Variants in FOXN3 observed in about 807,000 individuals in gnomAD.
FOXN3 encodes the protein forkhead box N3, also known as forkhead box protein N3.
A neutral mutation model predicts 38.4 loss-of-function variants in FOXN3; 7 were observed. That is an observed-to-expected ratio of 0.18 (90% CI 0.10 to 0.34). FOXN3 has a LOEUF of 0.34. Ranked by LOEUF, FOXN3 falls within the 10% of genes least tolerant of loss-of-function variation. The pLI, the probability that FOXN3 is intolerant of heterozygous loss-of-function variation, is 1.00. For synonymous variants in FOXN3, 230 were observed against 242.2 expected, an observed-to-expected ratio of 0.95 and a Z score of 0.47; for missense variants, 456 against 613.4, an observed-to-expected ratio of 0.74 and a Z score of 2.71.
intron 1 of FOXN3, among the ~76,000 whole-genome samples, chr14:89,447,129 G>A (rs150108227): frequency 9.7e-4 from 147 of 151,656 alleles, no homozygotes; most frequent in African/African-American, 3.1e-3. Flanking sequence ...CCGGGAGGCA[G>A]AGGTTGCAGT....
At chr14:89,318,173 T>TTC (rs1270786222) in intron 3 of FOXN3, among the ~76,000 whole-genome samples, 1 of 150,286 alleles carries the variant, frequency 6.7e-6, no homozygotes, top group Non-Finnish European at 1.5e-5. Flanking sequence ...TTTTTTTTTT[T>TTC]TTGAGGCGGA....
intron 4 of FOXN3, among the ~76,000 whole-genome samples, chr14:89,231,781 C>A (rs1335517994): frequency 1.3e-5 from 2 of 152,136 alleles, no homozygotes; most frequent in Non-Finnish European, 2.9e-5. Context: ...GGGCACAAGG[C>A]AGACATGCCC....
At chr14:89,194,914 A>T (rs1222555079) in intron 4 of FOXN3, among the ~76,000 whole-genome samples, 1 of 152,210 alleles carries the variant, frequency 6.6e-6, no homozygotes, top group African/African-American at 2.4e-5. Context: ...TATTTTTTTA[A>T]AAAATAGCTT....
chr14:89,260,689 G>A (rs1350651308), intron 4 of FOXN3, among the ~76,000 whole-genome samples: 3 of 152,166 alleles, frequency 2.0e-5, no homozygotes, highest in African/African-American at 7.2e-5. Context: ...CTCAAAGAGG[G>A]GCCCAACTGA....
upstream of FOXN3, among the ~76,000 whole-genome samples, chr14:89,418,629 G>C (rs773465210): frequency 1.3e-5 from 2 of 151,930 alleles, no homozygotes; most frequent in African/African-American, 4.8e-5. Flanking sequence ...CACTTGATGC[G>C]ACCTACCCAA....
intron 1 of FOXN3, among the ~76,000 whole-genome samples, chr14:89,446,984 G>A (rs772488725): frequency 4.6e-5 from 7 of 152,114 alleles, no homozygotes; most frequent in Non-Finnish European, 1.0e-4. Flanking sequence ...ATCACCTGAG[G>A]TCGGGAGTTC....
At chr14:89,470,142 T>A (rs1339302464) in intron 1 of FOXN3, among the ~76,000 whole-genome samples, 2 of 152,212 alleles carry the variant, frequency 1.3e-5, no homozygotes, top group African/African-American at 4.8e-5. Flanking sequence ...GTTCAGCAAA[T>A]CCTCATTTGT....
At chr14:89,572,072 T>G (rs1895507875) in intron 1 of FOXN3, among the ~76,000 whole-genome samples, 1 of 152,228 alleles carries the variant, frequency 6.6e-6, no homozygotes, top group African/African-American at 2.4e-5. Flanking sequence ...AGTTTAGAAC[T>G]CTTTCCATTA....
intron 2 of FOXN3, among the ~76,000 whole-genome samples, chr14:89,364,030 G>A (rs1890050282): frequency 7.0e-6 from 1 of 142,290 alleles, no homozygotes; most frequent in Admixed American, 6.9e-5. Flanking sequence ...TTTAGCAAGT[G>A]ACTGATTCCT....
At chr14:89,349,973 T>C (rs187151808) in intron 3 of FOXN3, among the ~76,000 whole-genome samples, 7 of 152,302 alleles carry the variant, frequency 4.6e-5, no homozygotes, top group Non-Finnish European at 1.0e-4. Flanking sequence ...TCAAGTACTA[T>C]GTATTCATAA....
At chr14:89,393,934 GAC>G (rs961087259) in intron 2 of FOXN3, among the ~76,000 whole-genome samples, 4 of 152,150 alleles carry the variant, frequency 2.6e-5, no homozygotes, top group African/African-American at 7.2e-5. Flanking sequence ...AATTTATAAA[GAC>G]ACAGATTTGT....
intron 3 of FOXN3, among the ~76,000 whole-genome samples, chr14:89,297,062 T>C (rs945518564): frequency 6.6e-6 from 1 of 152,212 alleles, no homozygotes; most frequent in Admixed American, 6.5e-5. Context: ...AAGTGCCAGA[T>C]ATTAAGCAAT....
At chr14:89,315,364 A>G (rs776786589) in intron 3 of FOXN3, among the ~76,000 whole-genome samples, 11 of 152,180 alleles carry the variant, frequency 7.2e-5, no homozygotes, top group Non-Finnish European at 1.3e-4. Flanking sequence ...AAGGATATAC[A>G]GTGAAAATAA....
At chr14:89,168,780 A>AT (rs1887308547) in intron 5 of FOXN3, among the ~76,000 whole-genome samples, 1 of 152,180 alleles carries the variant, frequency 6.6e-6, no homozygotes, top group Non-Finnish European at 1.5e-5. Context: ...CCCATGCGGG[A>AT]TAAAAAAAAT....
rs1442223417 is a variant in FOXN3, at chr14:89,568,055, T to G, written c.-15+50973A>C. ...TTGATTTCAAAGAGAACTTGAGACT[T>G]CTCCCCAAAACCTATCCTCCCCTAA... On this transcript the variant is annotated intron_variant, in intron 1 of 6. Transcript: ENST00000345097. Among the ~76,000 whole-genome samples the G allele has an allele frequency of 3.3e-5, 5 of 151,992 alleles. No individual in the cohort carries two copies. The East Asian group carries it at 9.7e-4, about 29-fold the overall frequency.
intron 3 of FOXN3, among the ~76,000 whole-genome samples, chr14:89,340,610 T>C (rs997217191): frequency 2.6e-5 from 4 of 152,188 alleles, no homozygotes; most frequent in Admixed American, 6.5e-5. Flanking sequence ...CAAGAACATG[T>C]GCTTCCACAA....
At chr14:89,561,022 GC>G (rs377369824) in intron 1 of FOXN3, among the ~76,000 whole-genome samples, 84 of 152,346 alleles carry the variant, frequency 5.5e-4, no homozygotes, top group African/African-American at 1.9e-3. Flanking sequence ...TGAAGCCTCA[GC>G]TGAGATGACT....
intron 3 of FOXN3, among the ~76,000 whole-genome samples, chr14:89,309,826 C>T (rs1413820484): frequency 1.3e-5 from 2 of 152,168 alleles, no homozygotes; most frequent in African/African-American, 2.4e-5. Context: ...CAAGAGTGAC[C>T]GATGGCGTTG....
intron 5 of FOXN3, among the ~76,000 whole-genome samples, chr14:89,168,543 A>T (rs527731496): frequency 6.6e-6 from 1 of 152,356 alleles, no homozygotes; most frequent in South Asian, 2.1e-4. Context: ...GTGAATTGTT[A>T]GATGGACCTG....
Sources: allele counts gnomAD v4.1 joint callset (sites outside exome capture counted in the v4.1 genomes callset), GRCh38; gene constraint gnomAD v4.1.1; transcripts MANE v1.5; gene names NCBI Gene and HGNC (gene_info 2026-07-23, HGNC 2026-07-21).